The following ZNF599 variants were observed in gnomAD, a reference collection of about 807,000 sequenced individuals.
ZNF599 encodes the protein zinc finger protein 599.
In ZNF599, 10 loss-of-function variants were observed where a neutral mutation model predicts 11.7. The ratio of observed to expected loss-of-function variants is 0.86; its 90% CI spans 0.53 to 1.45. The LOEUF (loss-of-function observed/expected upper bound fraction) is 1.45, where lower values mean the gene tolerates loss of function less well. Among genes scored for constraint, ZNF599 ranks in the 40% most tolerant of loss-of-function variants. ZNF599 has a pLI of 0.00. For synonymous variants in ZNF599, 232 were observed against 253.2 expected (o/e 0.92, Z 0.79); for missense variants, 688 against 713.6 (o/e 0.96, Z 0.41).
At chr19:34,792,290 G>T in the ZNF599 span, among the ~76,000 whole-genome samples, 1 of 152,228 alleles carries the variant, frequency 6.6e-6, no homozygotes, top group Non-Finnish European at 1.5e-5. Context: ...CTGAACAAAA[G>T]AACCACCTGG....
rs773363853 is a variant in ZNF599, at chr19:34,760,285, G to A, written c.516C>T (p.Val172=). Residue 172 remains valine, a synonymous_variant, in exon 4 of 4, where the codon GTC becomes GTT. Transcript: ENST00000329285. ...ACTCATGGAGAGCATCTTGTGGAGT[G>A]ACTCGTTCCTGTAAAACCCTTAAGC... ...SLGLRVLQER[V]TPQDALHECD... 2 of 1,614,184 alleles carry A rather than the reference G, an allele frequency of 1.2e-6. No homozygotes were observed. Among genetic ancestry groups the A allele is most frequent in the South Asian group, 2.2e-5 (2 of 91,068 alleles).
chr19:34,780,004 GA>G, the ZNF599 span: 1 of 154,008 alleles, frequency 6.5e-6, no homozygotes, highest in Non-Finnish European at 1.4e-5. Context: ...CCCTGCATTC[GA>G]AAGGCTCTTC....
chr19:34,784,434 T>C, the ZNF599 span, among the ~76,000 whole-genome samples: 1 of 152,204 alleles, frequency 6.6e-6, no homozygotes, highest in Non-Finnish European at 1.5e-5. Context: ...TATTAAGACA[T>C]TCACATATAT....
At chr19:34,775,838 C>T (rs1172779876), upstream of ZNF599, among the ~76,000 whole-genome samples, 8 of 152,040 alleles carry the variant, frequency 5.3e-5, no homozygotes, top group South Asian at 2.1e-4. Context: ...TAAATTTATA[C>T]GAACAAAATA....
At chr19:34,781,462 T>G in the ZNF599 span, among the ~76,000 whole-genome samples, 1 of 152,256 alleles carries the variant, frequency 6.6e-6, no homozygotes, top group Middle Eastern at 3.4e-3. Context: ...GCTGGTAAAA[T>G]TCTTGTTAGC....
upstream of ZNF599, among the ~76,000 whole-genome samples, chr19:34,775,521 A>G (rs1195479072): frequency 6.6e-6 from 1 of 152,218 alleles, no homozygotes; most frequent in African/African-American, 2.4e-5. Context: ...ATTGATATCT[A>G]AGGGATATGG....
chr19:34,791,925 G>A, the ZNF599 span: 1 of 152,232 alleles, frequency 6.6e-6, no homozygotes, highest in Admixed American at 6.5e-5. Context: ...CCTGATCATG[G>A]AGAAATAGGA....
rs377183020 is a variant in ZNF599 at position 34,772,994 on chromosome 19, G to A, written c.-153C>T. 5.8e-5 allele frequency: 54 copies of A among 928,026 alleles called. No homozygotes were observed. In the African/African-American group the frequency reaches 8.3e-4, roughly 14 times the overall value. The allele number at this position is 928,026 out of a possible 1,614,324, so 57.5% of individuals were successfully genotyped here. A position where few individuals can be genotyped will look rare whatever the true frequency, so the allele number is the denominator to read the frequency against. The stretch of plus-strand genomic sequence containing the variant: ...AAGGTTCGCGGCGCCGCCTCTGCGC[G>A]CCGTGAGGACACAGGGCTGTCGCCA... On this transcript the variant is annotated 5_prime_UTR_variant, in exon 1 of 4. Coordinates refer to ENST00000329285, the MANE Select transcript of ZNF599 (RefSeq NM_001007248.3).
the ZNF599 span, among the ~76,000 whole-genome samples, chr19:34,804,473 A>G: frequency 6.6e-6 from 1 of 152,220 alleles, no homozygotes; most frequent in East Asian, 1.9e-4. Flanking sequence ...CTTCTTGGCC[A>G]GCTGAAAGCT....
chr19:34,759,887 TGA>T lies in ZNF599; in HGVS notation c.912_913del (p.Thr306SerfsTer34), dbSNP rs1373412560. 1.9e-6 allele frequency: 3 copies of T among 1,614,122 alleles called. No individual in the cohort carries two copies. The highest frequency in any genetic ancestry group is 1.3e-5 in the African/African-American group (1 of 75,016). The stretch of plus-strand genomic sequence containing the variant: ...GCATAAAAAGGGTTTTTCTCGAGTG[TGA>T]GTCATATTATGCTGGATAAAAGAAG... On this transcript the variant is annotated frameshift_variant, in exon 4 of 4. Coordinates refer to ENST00000329285, the MANE Select transcript of ZNF599 (RefSeq NM_001007248.3). LOFTEE classifies it low-confidence loss of function (END_TRUNC).
At position 34,772,859 on chromosome 19, in the gene ZNF599, T is replaced by TGAGGCCGTGAGAGTCGGCGAG. The variant is rs1568495706; in HGVS notation, c.-39_-19dup. 9 of 1,458,102 alleles carry TGAGGCCGTGAGAGTCGGCGAG rather than the reference T, an allele frequency of 6.2e-6. No individual in the cohort carries two copies. The Admixed American group carries it at 7.8e-5, about 13-fold the overall frequency. 90.3% of individuals were successfully genotyped at this position (1,458,102 alleles called of 1,614,324 possible). On this transcript the variant is annotated 5_prime_UTR_variant, in exon 1 of 4. Coordinates refer to ENST00000329285, the MANE Select transcript of ZNF599 (RefSeq NM_001007248.3). Reference sequence around the variant, plus strand: ...GCCGCCATGGGCCCAGGGGGCTGGGTGAGGCCGTGAGAGTCGGCGAGGAAG... The same window carrying TGAGGCCGTGAGAGTCGGCGAG: ...GCCGCCATGGGCCCAGGGGGCTGGGTGAGGCCGTGAGAGTCGGCGAGGAGGCCGTGAGAGTCGGCGAGGAAG...
At position 34,760,290 on chromosome 19, in the gene ZNF599, G is replaced by A. The variant is rs150001961; in HGVS notation, c.511C>T (p.Arg171Ter). Residue 171 changes from arginine (R) to a stop codon, truncating the protein, a stop_gained, in exon 4 of 4, where the codon CGA becomes TGA. Coordinates refer to ENST00000329285, the MANE Select transcript of ZNF599 (RefSeq NM_001007248.3). LOFTEE classifies it low-confidence loss of function (END_TRUNC). ...TGGAGAGCATCTTGTGGAGTGACTCGTTCCTGTAAAACCCTTAAGCCCAGA... is the reference window on the plus strand; with the variant it reads ...TGGAGAGCATCTTGTGGAGTGACTCATTCCTGTAAAACCCTTAAGCCCAGA... ...DSLGLRVLQE[R>*]VTPQDALHEC... The A allele has an allele frequency of 3.2e-5, 51 of 1,614,154 alleles. No individual in the cohort carries two copies. The highest frequency in any genetic ancestry group is 1.1e-4 in the East Asian group (5 of 44,886).
chr19:34,785,978 C>T, the ZNF599 span, among the ~76,000 whole-genome samples: 1 of 152,292 alleles, frequency 6.6e-6, no homozygotes, highest in Admixed American at 6.5e-5. Flanking sequence ...CCCAAGATAT[C>T]ATGGGATGGA....
At position 34,772,793 on chromosome 19, in the gene ZNF599, G is replaced by C; in HGVS notation, c.18+31C>G. The C allele has an allele frequency of 2.0e-6, 3 of 1,534,416 alleles. No homozygotes were observed. The African/African-American group carries it at 4.2e-5, about 21-fold the overall frequency. ...TGGGTGCATGCGGGCGGTGACCCGA[G>C]CTCGCGCGGGCTGCGGAACCCTCCA... is the stretch of plus-strand genomic sequence containing the variant. On this transcript the variant is annotated intron_variant, in intron 1 of 3. Coordinates refer to ENST00000329285, the MANE Select transcript of ZNF599 (RefSeq NM_001007248.3).
Position 34,758,558 on chromosome 19 carries a change from T to C in ZNF599, c.*476A>G, listed in dbSNP as rs2069086243. ...CAAAGGGGATGAGACTTTTTCAATG[T>C]CTTATTCCCTGCTCCATCCCCCAAC... On this transcript the variant is annotated 3_prime_UTR_variant, in exon 4 of 4. Coordinates refer to ENST00000329285, the MANE Select transcript of ZNF599 (RefSeq NM_001007248.3). The C allele has an allele frequency of 6.5e-6, 1 of 154,672 alleles. No homozygotes were observed. Among genetic ancestry groups the C allele is most frequent in the African/African-American group, 2.4e-5 (1 of 41,342 alleles). 9.6% of individuals were successfully genotyped at this position (154,672 alleles called of 1,614,324 possible).
the ZNF599 span, among the ~76,000 whole-genome samples, chr19:34,802,056 G>T: frequency 1.3e-5 from 2 of 152,228 alleles, no homozygotes; most frequent in African/African-American, 4.8e-5. Flanking sequence ...AATCTTGGCT[G>T]AGAAGATGCT....
upstream of ZNF599, among the ~76,000 whole-genome samples, chr19:34,777,442 TATATTA>T (rs1241905989): frequency 2.1e-5 from 2 of 97,540 alleles, no homozygotes; most frequent in East Asian, 2.4e-4. Context: ...ATATATGATA[TATATTA>T]ATTAATATAT....
At chr19:34,761,345 A>G (rs1003411860) in intron 3 of ZNF599, among the ~76,000 whole-genome samples, 14 of 152,234 alleles carry the variant, frequency 9.2e-5, no homozygotes, top group African/African-American at 3.1e-4. Flanking sequence ...ATGAAAAGAG[A>G]TTAATCAATA....
the ZNF599 span, among the ~76,000 whole-genome samples, chr19:34,793,363 T>A: frequency 1.3e-5 from 2 of 151,846 alleles, no homozygotes; most frequent in Admixed American, 6.6e-5. Flanking sequence ...GCAGGGAGAG[T>A]GCCTGGAACA....
Sources: gnomAD v4.1 joint callset for allele counts (sites outside exome capture counted in the v4.1 genomes callset) on GRCh38, gnomAD v4.1.1 for gene constraint, MANE v1.5 for transcripts, NCBI Gene and HGNC (gene_info 2026-07-23, HGNC 2026-07-21) for gene names.